VRK1: variants seen among roughly 807,000 people sequenced by gnomAD.
VRK1 encodes VRK serine/threonine kinase 1.
A neutral mutation model predicts 57.1 loss-of-function variants in VRK1; 33 were observed. The ratio of observed to expected loss-of-function variants is 0.58; its 90% CI spans 0.44 to 0.77. The LOEUF is 0.77. Among genes scored for constraint, VRK1 ranks in the 30% least tolerant of loss-of-function variants. VRK1 has a pLI of 0.00. For synonymous variants in VRK1, 137 were observed against 147.8 expected (o/e 0.93, Z 0.53); for missense variants, 413 against 477.3 (o/e 0.87, Z 1.25).
At chr14:96,881,126 C>CT in intron 12 of VRK1, 51 bp from the exon 13 acceptor site, 2 of 1,486,314 alleles carry the variant, frequency 1.3e-6, no homozygotes, top group Non-Finnish European at 9.2e-7. Flanking sequence ...TGTTCTTTTG[C>CT]TTTTGTAAAT....
intron 3 of VRK1, among the ~76,000 whole-genome samples, chr14:96,841,749 C>A (rs28587799): frequency 0.047 from 7,097 of 151,630 alleles, 190 homozygotes; most frequent in Non-Finnish European, 0.063. Flanking sequence ...GCAGGAGAAT[C>A]ACTTGAAACT....
intron 1 of VRK1, among the ~76,000 whole-genome samples, chr14:96,824,527 G>A (rs1013656624): frequency 6.6e-6 from 1 of 152,056 alleles, no homozygotes; most frequent in African/African-American, 2.4e-5. Flanking sequence ...GGCGGATCTC[G>A]GAGTGAGTTG....
chr14:96,865,759 C>CTA (rs1385994792), intron 11 of VRK1, among the ~76,000 whole-genome samples: 32 of 142,836 alleles, frequency 2.2e-4, no homozygotes, highest in Middle Eastern at 7.5e-3. Context: ...CTTAATTCTT[C>CTA]TGTTTTTTTT....
intron 2 of VRK1, among the ~76,000 whole-genome samples, chr14:96,834,498 T>A (rs1333136759): frequency 6.6e-6 from 1 of 152,156 alleles, no homozygotes; most frequent in African/African-American, 2.4e-5. Flanking sequence ...TTGTTCAAGG[T>A]GATTCTGATG....
intron 1 of VRK1, among the ~76,000 whole-genome samples, chr14:96,822,994 A>G (rs1197948694): frequency 2.0e-5 from 3 of 152,024 alleles, no homozygotes; most frequent in Non-Finnish European, 2.9e-5. Context: ...CCCTCTGCCT[A>G]TACTCTCTGC....
intron 1 of VRK1, among the ~76,000 whole-genome samples, chr14:96,829,744 GATAGTT>G (rs1886935760): frequency 6.6e-6 from 1 of 152,004 alleles, no homozygotes; most frequent in Non-Finnish European, 1.5e-5. Context: ...CCCATTTTTT[GATAGTT>G]GTACTATATC....
In VRK1 at chr14:96,881,343, A is replaced by C; in HGVS notation, c.*135A>C. Reference sequence around the variant, plus strand: ...GATTAAATACTCATGTGTTCAGAAAACATAAACTTTTTTTATAAAAATATT... The same window carrying C: ...GATTAAATACTCATGTGTTCAGAAACCATAAACTTTTTTTATAAAAATATT... On this transcript the variant is annotated 3_prime_UTR_variant, in exon 13 of 13. Coordinates refer to ENST00000216639, the MANE Select transcript of VRK1 (RefSeq NM_003384.3). 1.3e-6 allele frequency: 1 copy of C among 750,374 alleles called. No individual in the cohort carries two copies. The highest frequency in any genetic ancestry group is 1.9e-5 in the South Asian group (1 of 52,238). 46.5% of individuals were successfully genotyped at this position (750,374 alleles called of 1,614,324 possible). A position where few individuals can be genotyped will look rare whatever the true frequency, so the allele number is the denominator to read the frequency against.
chr14:96,854,126 A>T (rs1244982002), intron 7 of VRK1, among the ~76,000 whole-genome samples: 2 of 152,184 alleles, frequency 1.3e-5, no homozygotes, highest in Non-Finnish European at 2.9e-5. Context: ...TAGTGTGCTA[A>T]TGGAGAAATC....
rs1017096215 is a variant in VRK1, at chr14:96,848,452, G to A, written c.374+1108G>A. Among the ~76,000 whole-genome samples the A allele has an allele frequency of 3.9e-5, 6 of 152,158 alleles. 1 individual carries two copies. The highest frequency in any genetic ancestry group is 1.2e-4 in the African/African-American group (5 of 41,420). On this transcript the variant is annotated intron_variant, in intron 5 of 12. Transcript: ENST00000216639. ...GATGGAATGCCGGAACCAAATTGGT[G>A]CTCCGTTAGAAAAGATTGAGAGGAG...
chr14:96,809,417 G>A (rs1854453939), intron 1 of VRK1, among the ~76,000 whole-genome samples: 2 of 151,996 alleles, frequency 1.3e-5, no homozygotes, highest in African/African-American at 4.8e-5. Flanking sequence ...TCTATTTTGA[G>A]GCAATTATGA....
Position 96,852,179 on chromosome 14 carries a change from T to A in VRK1, c.375-652T>A, listed in dbSNP as rs557533288. On this transcript the variant is annotated intron_variant, in intron 5 of 12. Transcript: ENST00000216639. The stretch of plus-strand genomic sequence containing the variant: ...AAGGGTGAGTCCCTGCTCTCTCATT[T>A]TACTTCTGTGGAAATTGAGGCCCAG... 4.6e-5 allele frequency among the ~76,000 whole-genome samples: 7 copies of A among 152,362 alleles called. No individual in the cohort carries two copies. In the East Asian group the frequency reaches 1.3e-3, roughly 29 times the overall value.
intron 1 of VRK1, among the ~76,000 whole-genome samples, chr14:96,798,769 A>G (rs1340771370): frequency 1.3e-5 from 2 of 152,230 alleles, no homozygotes; most frequent in South Asian, 2.1e-4. Flanking sequence ...GGTTCTTTAT[A>G]TAGTCATTTT....
chr14:96,809,441 A>G (rs981824087), intron 1 of VRK1, among the ~76,000 whole-genome samples: 5 of 152,230 alleles, frequency 3.3e-5, no homozygotes, highest in Non-Finnish European at 7.3e-5. Context: ...ATGTTGCTAT[A>G]ATCATATACT....
chr14:96,814,715 A>G (rs1300358828), intron 1 of VRK1, among the ~76,000 whole-genome samples: 3 of 152,168 alleles, frequency 2.0e-5, no homozygotes, highest in Admixed American at 2.0e-4. Context: ...CAGCATATGT[A>G]TAATGGTCCT....
intron 1 of VRK1, among the ~76,000 whole-genome samples, chr14:96,811,105 A>G (rs11846487): frequency 0.028 from 4,285 of 151,732 alleles, 199 homozygotes; most frequent in African/African-American, 0.099. Context: ...AATTTTTTGA[A>G]TTTTTAGTGG....
In VRK1 at chr14:96,852,884, A is replaced by C; in HGVS notation, c.428A>C (p.Glu143Ala). Residue 143 changes from glutamate (E) to alanine (A), a missense_variant, in exon 6 of 13, where the codon GAA (glutamate) becomes GCA (alanine). Glu to Ala is a moderately radical substitution (Grantham distance 107). Coordinates refer to ENST00000216639, the MANE Select transcript of VRK1 (RefSeq NM_003384.3). ...GGGAGTGACCTTCAGAAAATATATG[A>C]AGCAAATGCCAAAAGGTTTTCTCGG... is the stretch of plus-strand genomic sequence containing the variant. ...RFGSDLQKIY[E>A]ANAKRFSRKT... 6.2e-7 allele frequency: 1 copy of C among 1,613,926 alleles called. No individual in the cohort carries two copies. Among genetic ancestry groups the C allele is most frequent in the South Asian group, 1.1e-5 (1 of 91,070 alleles).
chr14:96,844,681 A>G (rs1167399540), intron 3 of VRK1, among the ~76,000 whole-genome samples: 1 of 152,152 alleles, frequency 6.6e-6, no homozygotes, highest in Non-Finnish European at 1.5e-5. Flanking sequence ...AGCTGGGATT[A>G]CAGGTACTCG....
intron 10 of VRK1, among the ~76,000 whole-genome samples, chr14:96,857,812 G>T (rs891157263): frequency 6.6e-6 from 1 of 152,012 alleles, no homozygotes; most frequent in Admixed American, 6.5e-5. Context: ...TACAATGTGG[G>T]TTTCTCAGAA....
At chr14:96,838,266 T>G (rs1465594117) in intron 3 of VRK1, among the ~76,000 whole-genome samples, 1 of 152,194 alleles carries the variant, frequency 6.6e-6, no homozygotes, top group East Asian at 1.9e-4. Context: ...TTATTTATTT[T>G]ATTGTGATTA....
Sources: gnomAD v4.1 joint callset for allele counts (sites outside exome capture counted in the v4.1 genomes callset) on GRCh38, gnomAD v4.1.1 for gene constraint, MANE v1.5 for transcripts, NCBI Gene and HGNC (gene_info 2026-07-23, HGNC 2026-07-21) for gene names.